The following CCDC192 variants were observed in gnomAD, a reference collection of about 807,000 sequenced individuals.
The protein encoded by CCDC192 is coiled-coil domain containing 192, also known as coiled-coil domain-containing protein 192.
At chr5:127,727,465 T>C (rs190945342) in intron 2 of CCDC192, among the ~76,000 whole-genome samples, 1 of 145,922 alleles carries the variant, frequency 6.9e-6, no homozygotes, top group African/African-American at 2.5e-5. Flanking sequence ...AGAGAGAAAC[T>C]CCATCTAAAA....
chr5:127,705,622 C>G (rs1750916761), intron 1 of CCDC192, among the ~76,000 whole-genome samples: 1 of 152,004 alleles, frequency 6.6e-6, no homozygotes, highest in Non-Finnish European at 1.5e-5. Flanking sequence ...AATACAAAGG[C>G]AAGAAATACT....
rs773173702 is a variant in CCDC192 at position 127,907,837 on chromosome 5, G to A, written c.535+32176G>A. The stretch of plus-strand genomic sequence containing the variant: ...ACCTACAAAAATCTTTAGCCGGTTT[G>A]TAAAATTAGTTGAATCCATATGAAC... On this transcript the variant is annotated intron_variant, in intron 6 of 6. Coordinates refer to ENST00000514853, the MANE Select transcript of CCDC192 (RefSeq NM_001317938.2). Among the ~76,000 whole-genome samples, 7 of 152,316 alleles carry A rather than the reference G, an allele frequency of 4.6e-5. No homozygotes were observed. In the South Asian group the frequency reaches 1.2e-3, roughly 27 times the overall value.
chr5:127,746,388 T>C (rs1753744525), intron 2 of CCDC192, among the ~76,000 whole-genome samples: 1 of 152,256 alleles, frequency 6.6e-6, no homozygotes, highest in Non-Finnish European at 1.5e-5. Flanking sequence ...CCTGGAGATA[T>C]GGATTAGACA....
intron 3 of CCDC192, among the ~76,000 whole-genome samples, chr5:127,780,394 T>G (rs1430706798): frequency 6.6e-6 from 1 of 152,202 alleles, no homozygotes; most frequent in East Asian, 1.9e-4. Flanking sequence ...TAAAGAATCT[T>G]CACACTGTTT....
chr5:127,812,543 A>G (rs1439502450), intron 5 of CCDC192, among the ~76,000 whole-genome samples: 3 of 152,184 alleles, frequency 2.0e-5, no homozygotes. Context: ...GTTTAAAAGC[A>G]TATATTTTTT....
chr5:127,925,496 A>G (rs1466285128), intron 6 of CCDC192, among the ~76,000 whole-genome samples: 3 of 152,210 alleles, frequency 2.0e-5, no homozygotes, highest in African/African-American at 7.2e-5. Context: ...TAGCAGACAC[A>G]TCCCTGTCCC....
intron 3 of CCDC192, among the ~76,000 whole-genome samples, chr5:127,769,104 G>A (rs1186152170): frequency 6.6e-6 from 1 of 152,246 alleles, no homozygotes; most frequent in Non-Finnish European, 1.5e-5. Context: ...ATTACCGCAT[G>A]TAAATGTGTG....
chr5:127,773,191 TG>T lies in CCDC192; in HGVS notation c.222+18817del, dbSNP rs1400382669. On this transcript the variant is annotated intron_variant, in intron 3 of 6. Coordinates refer to ENST00000514853, the MANE Select transcript of CCDC192 (RefSeq NM_001317938.2). ...GAAACCAGTGAATCCAATTTTGTGATGTTTTTTCTGGTAACATTCAATGAGT... is the reference window on the plus strand; with the variant it reads ...GAAACCAGTGAATCCAATTTTGTGATTTTTTTCTGGTAACATTCAATGAGT... Among the ~76,000 whole-genome samples the T allele has an allele frequency of 8.5e-5, 13 of 152,348 alleles. No homozygotes were observed. In the East Asian group the frequency reaches 2.1e-3, roughly 25 times the overall value.
chr5:127,915,753 G>T (rs1753503930), intron 6 of CCDC192, among the ~76,000 whole-genome samples: 1 of 151,962 alleles, frequency 6.6e-6, no homozygotes, highest in Non-Finnish European at 1.5e-5. Flanking sequence ...ATCAGCTATT[G>T]TTAGTGTATT....
chr5:127,921,706 A>G (rs2127190978), intron 6 of CCDC192, among the ~76,000 whole-genome samples: 1 of 152,280 alleles, frequency 6.6e-6, no homozygotes, highest in Admixed American at 6.5e-5. Context: ...AGGTTTTAGG[A>G]AATTACTGTA....
At chr5:127,751,266 C>T (rs2126865390) in intron 2 of CCDC192, among the ~76,000 whole-genome samples, 1 of 152,214 alleles carries the variant, frequency 6.6e-6, no homozygotes, top group African/African-American at 2.4e-5. Flanking sequence ...TTGTTCCTTT[C>T]CATGTTTAGC....
At chr5:127,939,467 A>C (rs1243866207) in intron 6 of CCDC192, among the ~76,000 whole-genome samples, 1 of 152,126 alleles carries the variant, frequency 6.6e-6, no homozygotes, top group Non-Finnish European at 1.5e-5. Context: ...CATTCTAACA[A>C]ATTCAGAGCA....
At chr5:127,748,429 G>A (rs368254604) in intron 2 of CCDC192, among the ~76,000 whole-genome samples, 1,141 of 54,114 alleles carry the variant, frequency 0.021, 24 homozygotes, top group East Asian at 0.12. Context: ...GATATGCGGC[G>A]TTATTTCTGA....
chr5:127,842,342 G>A (rs527678215), intron 5 of CCDC192, among the ~76,000 whole-genome samples: 5 of 152,258 alleles, frequency 3.3e-5, no homozygotes, highest in South Asian at 2.1e-4. Context: ...CCTCAGCCTC[G>A]AAGTAGCTGG....
chr5:127,916,752 G>C (rs1753531306), intron 6 of CCDC192, among the ~76,000 whole-genome samples: 1 of 152,232 alleles, frequency 6.6e-6, no homozygotes, highest in Non-Finnish European at 1.5e-5. Flanking sequence ...GCTATAATCT[G>C]ATGTGCTGTT....
intron 3 of CCDC192, among the ~76,000 whole-genome samples, chr5:127,763,828 GCTAA>G (rs1317410051): frequency 3.3e-5 from 5 of 152,066 alleles, no homozygotes; most frequent in African/African-American, 1.2e-4. Flanking sequence ...GAATTTCTCT[GCTAA>G]CTTTCTCTAC....
chr5:127,802,467 CT>C (rs918430122), intron 5 of CCDC192, among the ~76,000 whole-genome samples: 1 of 152,190 alleles, frequency 6.6e-6, no homozygotes, highest in African/African-American at 2.4e-5. Context: ...CCCTGCATCT[CT>C]GCCCTAGCAG....
intron 2 of CCDC192, among the ~76,000 whole-genome samples, chr5:127,750,276 C>T (rs1016511061): frequency 6.6e-6 from 1 of 152,284 alleles, no homozygotes; most frequent in South Asian, 2.1e-4. Context: ...CCTCTACACA[C>T]TGCTTTGAAT....
At chr5:127,707,826 C>A (rs768537226) in intron 2 of CCDC192, 66 bp downstream of exon 2, 2 of 394,524 alleles carry the variant, frequency 5.1e-6, no homozygotes, top group Non-Finnish European at 9.0e-6. Context: ...AAACTAACTT[C>A]TTTAATTAAT....
Sources: allele counts gnomAD v4.1 joint callset (sites outside exome capture counted in the v4.1 genomes callset), GRCh38; gene constraint gnomAD v4.1.1; transcripts MANE v1.5; gene names NCBI Gene and HGNC (gene_info 2026-07-23, HGNC 2026-07-21).